The following GALNTL6 variants were observed in gnomAD, a reference collection of about 807,000 sequenced individuals.
The protein encoded by GALNTL6 is polypeptide N-acetylgalactosaminyltransferase-like 6.
GALNTL6 carries 46 observed loss-of-function variants against 73.7 expected under a neutral mutation model. The ratio of observed to expected loss-of-function variants is 0.62; its 90% CI spans 0.49 to 0.80. GALNTL6 has a LOEUF of 0.80. Among genes scored for constraint, GALNTL6 ranks in the 30% least tolerant of loss-of-function variants. The probability of loss-of-function intolerance (pLI) is 0.00; values close to 1 mark genes in which losing one functional copy is unlikely to be tolerated. For synonymous variants in GALNTL6, 259 were observed against 263.7 expected, an observed-to-expected ratio of 0.98 and a Z score of 0.17; for missense variants, 604 against 755.0, an observed-to-expected ratio of 0.80 and a Z score of 2.34.
At chr4:172,158,237 C>T (rs770141296) in intron 2 of GALNTL6, among the ~76,000 whole-genome samples, 28 of 152,160 alleles carry the variant, frequency 1.8e-4, no homozygotes, top group Middle Eastern at 3.4e-3. Flanking sequence ...GATATCTTTA[C>T]GTGGCAGCAC....
intron 7 of GALNTL6, among the ~76,000 whole-genome samples, chr4:172,878,553 G>A (rs758350978): frequency 2.6e-5 from 4 of 151,518 alleles, no homozygotes; most frequent in Non-Finnish European, 4.4e-5. Context: ...ACATAATATC[G>A]CAACATAAAT....
At chr4:172,111,734 A>C (rs2110980349) in intron 2 of GALNTL6, among the ~76,000 whole-genome samples, 1 of 152,144 alleles carries the variant, frequency 6.6e-6, no homozygotes, top group South Asian at 2.1e-4. Flanking sequence ...TACTACTTAT[A>C]TACATTTTAT....
chr4:172,460,049 C>A lies in GALNTL6; in HGVS notation c.553+111360C>A, dbSNP rs1732556463. Among the ~76,000 whole-genome samples the A allele has an allele frequency of 3.9e-5, 6 of 152,168 alleles. No individual in the cohort carries two copies. The South Asian group carries it at 6.2e-4, about 16-fold the overall frequency. On this transcript the variant is annotated intron_variant, in intron 5 of 12. Transcript: ENST00000506823. ...CCAATGGAACGGAACAGATCAGAGG[C>A]CTCAGAAATAATGCCACACATCTAC...
chr4:171,837,829 T>C (rs1157428064), intron 2 of GALNTL6, among the ~76,000 whole-genome samples: 1 of 150,648 alleles, frequency 6.6e-6, no homozygotes, highest in Non-Finnish European at 1.5e-5. Context: ...CATCTAGAAA[T>C]ATTTACCCAA....
intron 5 of GALNTL6, among the ~76,000 whole-genome samples, chr4:172,620,163 G>C (rs1301298404): frequency 6.6e-6 from 1 of 152,184 alleles, no homozygotes; most frequent in Admixed American, 6.5e-5. Context: ...ACATGATATA[G>C]TAATGTATGC....
intron 10 of GALNTL6, among the ~76,000 whole-genome samples, chr4:172,957,585 C>T (rs1477039621): frequency 6.6e-6 from 1 of 152,160 alleles, no homozygotes; most frequent in Non-Finnish European, 1.5e-5. Flanking sequence ...ATGGCCTTTG[C>T]AGTGAATGAC....
intron 3 of GALNTL6, among the ~76,000 whole-genome samples, chr4:172,310,180 C>T (rs1328698942): frequency 2.6e-5 from 4 of 151,988 alleles, no homozygotes; most frequent in Non-Finnish European, 4.4e-5. Context: ...GCAGTGAATG[C>T]CATGATAATG....
At chr4:172,552,970 A>G (rs1248017227) in intron 5 of GALNTL6, among the ~76,000 whole-genome samples, 1 of 151,958 alleles carries the variant, frequency 6.6e-6, no homozygotes, top group Non-Finnish European at 1.5e-5. Flanking sequence ...AATACACATC[A>G]CCAAAGTGTA....
chr4:172,147,541 A>G (rs1431537673), intron 2 of GALNTL6, among the ~76,000 whole-genome samples: 1 of 152,162 alleles, frequency 6.6e-6, no homozygotes, highest in African/African-American at 2.4e-5. Context: ...CCTATGAGGA[A>G]TTTTTGTTTT....
chr4:172,874,080 A>G (rs528543626), intron 7 of GALNTL6, among the ~76,000 whole-genome samples: 1 of 152,252 alleles, frequency 6.6e-6, no homozygotes, highest in Non-Finnish European at 1.5e-5. Flanking sequence ...TTGGATTTTA[A>G]TAACAAGCAT....
chr4:172,439,122 C>T (rs1731739118), intron 5 of GALNTL6, among the ~76,000 whole-genome samples: 1 of 150,754 alleles, frequency 6.6e-6, no homozygotes, highest in Non-Finnish European at 1.5e-5. Flanking sequence ...ATTTTAAAAA[C>T]CTTCTCTTGA....
intron 2 of GALNTL6, among the ~76,000 whole-genome samples, chr4:171,998,345 G>A (rs1740560053): frequency 6.6e-6 from 1 of 152,116 alleles, no homozygotes; most frequent in Non-Finnish European, 1.5e-5. Flanking sequence ...TGCTGGCAAG[G>A]TTGGCTTCCT....
At chr4:172,461,641 T>C (rs955336216) in intron 5 of GALNTL6, among the ~76,000 whole-genome samples, 3 of 152,324 alleles carry the variant, frequency 2.0e-5, no homozygotes, top group African/African-American at 7.2e-5. Context: ...GCTAGAATTT[T>C]CCTATTGCTT....
At chr4:172,232,474 A>G (rs1737102927) in intron 3 of GALNTL6, among the ~76,000 whole-genome samples, 1 of 151,704 alleles carries the variant, frequency 6.6e-6, no homozygotes. Context: ...GAATAGTTTT[A>G]GTTGTTGTAT....
rs191412218 is a variant in GALNTL6 at position 172,735,909 on chromosome 4, G to A, written c.554-73452G>A. Among the ~76,000 whole-genome samples the A allele has an allele frequency of 2.8e-3, 419 of 152,292 alleles. 3 individuals carry two copies. The highest frequency in any genetic ancestry group is 9.4e-3 in the African/African-American group (390 of 41,558). On this transcript the variant is annotated intron_variant, in intron 5 of 12. Coordinates refer to ENST00000506823, the MANE Select transcript of GALNTL6 (RefSeq NM_001034845.3). ...GTGACATCACATGTCGGCAGGTTCCGTGATGCCCCTTGAGCCACAAAACCA... is the reference window on the plus strand; with the variant it reads ...GTGACATCACATGTCGGCAGGTTCCATGATGCCCCTTGAGCCACAAAACCA...
chr4:173,004,166 AG>A (rs558046967), intron 10 of GALNTL6, among the ~76,000 whole-genome samples: 7 of 152,046 alleles, frequency 4.6e-5, no homozygotes, highest in Non-Finnish European at 8.8e-5. Context: ...CCTGGGCAAC[AG>A]AGCAAGACCC....
At chr4:172,896,189 AACAATGTCTAC>A (rs1746321633) in intron 8 of GALNTL6, among the ~76,000 whole-genome samples, 1 of 152,202 alleles carries the variant, frequency 6.6e-6, no homozygotes, top group African/African-American at 2.4e-5. Context: ...GTGGATATGG[AACAATGTCTAC>A]ACATTGAGGG....
At chr4:172,184,025 T>G (rs531023244) in intron 2 of GALNTL6, among the ~76,000 whole-genome samples, 1 of 152,216 alleles carries the variant, frequency 6.6e-6, no homozygotes, top group East Asian at 1.9e-4. Context: ...TCTCCTGACC[T>G]TGTGATCCAC....
intron 5 of GALNTL6, among the ~76,000 whole-genome samples, chr4:172,575,174 A>G (rs1224325141): frequency 1.3e-5 from 2 of 152,220 alleles, no homozygotes; most frequent in Admixed American, 1.3e-4. Context: ...CATTGTGTAT[A>G]CAATTCTTAA....
Sources: allele counts gnomAD v4.1 joint callset (sites outside exome capture counted in the v4.1 genomes callset), GRCh38; gene constraint gnomAD v4.1.1; transcripts MANE v1.5; gene names NCBI Gene and HGNC (gene_info 2026-07-23, HGNC 2026-07-21).